The following TTLL6 variants were observed in gnomAD, a reference collection of about 807,000 sequenced individuals.
TTLL6 encodes the protein tubulin polyglutamylase TTLL6.
Under a neutral mutation model 96.4 loss-of-function variants are expected in TTLL6, and 75 were observed. The ratio of observed to expected loss-of-function variants is 0.78; its 90% CI spans 0.65 to 0.94. The LOEUF (loss-of-function observed/expected upper bound fraction) is 0.94. TTLL6 is among the 40% of genes least tolerant of loss of function. TTLL6 has a pLI of 0.00. For synonymous variants in TTLL6, 411 were observed against 419.4 expected (o/e 0.98, Z 0.24); for missense variants, 1,030 against 1,093.0 (o/e 0.94, Z 0.81).
chr17:48,766,090 T>C (rs1300761676), intron 15 of TTLL6, among the ~76,000 whole-genome samples: 2 of 152,206 alleles, frequency 1.3e-5, no homozygotes, highest in Non-Finnish European at 2.9e-5. Context: ...CAGCATCTGA[T>C]GTCAGAGGTA....
chr17:48,799,347 C>T (rs183035216), intron 6 of TTLL6, among the ~76,000 whole-genome samples: 33 of 152,356 alleles, frequency 2.2e-4, no homozygotes, highest in Admixed American at 1.2e-3. Flanking sequence ...GCTCTCCTAG[C>T]CCTAATGTGT....
rs1413726471 is a variant in TTLL6, at chr17:48,786,249, C to T, written c.1676G>A (p.Gly559Asp). Residue 559 changes from glycine to aspartate, a missense_variant, in exon 12 of 16, where the codon GGC becomes GAC. Gly to Asp is a moderately conservative substitution (Grantham distance 94). Coordinates refer to ENST00000393382, the MANE Select transcript of TTLL6 (RefSeq NM_001130918.3). Reference protein sequence around the residue: ...KKVEMQGESAGEQVRKKGMRG... With the variant: ...KKVEMQGESADEQVRKKGMRG... ...CATGCCCTTCTTTCTCACTTGCTCG[C>T]CTGCCGATTCCCCCTGCATCTCTAC... 4.3e-6 allele frequency: 7 copies of T among 1,614,252 alleles called. No individual in the cohort carries two copies. Among genetic ancestry groups the T allele is most frequent in the Admixed American group, 1.7e-5 (1 of 60,026 alleles).
At chr17:48,788,279 G>T (rs376973253) in intron 10 of TTLL6, among the ~76,000 whole-genome samples, 1 of 152,136 alleles carries the variant, frequency 6.6e-6, no homozygotes, top group Admixed American at 6.5e-5. Context: ...TTTTCTACTC[G>T]GCTTAGCTCT....
At chr17:48,774,082 CAAAAAAAACAAAACAAAA>C (rs1329184049) in intron 13 of TTLL6, among the ~76,000 whole-genome samples, 2 of 46,164 alleles carry the variant, frequency 4.3e-5, no homozygotes, top group Non-Finnish European at 7.8e-5. Flanking sequence ...AACTCCATCT[CAAAAAAAACAAAACAAAA>C]AAAAAAAAAA....
intron 13 of TTLL6, among the ~76,000 whole-genome samples, chr17:48,781,599 C>A (rs1332516044): frequency 6.6e-6 from 1 of 152,106 alleles, no homozygotes; most frequent in African/African-American, 2.4e-5. Flanking sequence ...TGTTTATCTT[C>A]TTTAGAAAAA....
chr17:48,770,501 A>ATTG (rs1179551293), intron 13 of TTLL6, among the ~76,000 whole-genome samples: 7 of 148,128 alleles, frequency 4.7e-5, no homozygotes, highest in African/African-American at 1.5e-4. Context: ...AGGTATTATT[A>ATTG]TTGTTGTTGT....
chr17:48,805,710 C>T (rs543090), intron 1 of TTLL6, among the ~76,000 whole-genome samples: 23,751 of 152,182 alleles, frequency 0.16, 2,797 homozygotes, highest in East Asian at 0.67. Context: ...CAGCGGCTCA[C>T]GCCTGTAATC....
At chr17:48,793,762 T>C (rs1363018508) in intron 8 of TTLL6, among the ~76,000 whole-genome samples, 1 of 152,092 alleles carries the variant, frequency 6.6e-6, no homozygotes, top group Non-Finnish European at 1.5e-5. Flanking sequence ...CACACCTCAG[T>C]TTCCTAATAT....
chr17:48,809,276 A>G (rs1320248962), intron 1 of TTLL6, among the ~76,000 whole-genome samples: 3 of 152,210 alleles, frequency 2.0e-5, no homozygotes, highest in Non-Finnish European at 2.9e-5. Flanking sequence ...CCCAGTGAAC[A>G]GGCACATTCT....
intron 13 of TTLL6, among the ~76,000 whole-genome samples, chr17:48,776,178 A>C (rs1166990700): frequency 6.6e-6 from 1 of 152,206 alleles, no homozygotes; most frequent in African/African-American, 2.4e-5. Flanking sequence ...TAAGAAATTT[A>C]AGTCTAGGCT....
At chr17:48,809,683 A>AC (rs2039551962) in intron 1 of TTLL6, among the ~76,000 whole-genome samples, 2 of 151,464 alleles carry the variant, frequency 1.3e-5, no homozygotes, top group African/African-American at 4.9e-5. Context: ...ACAAAGTGAG[A>AC]CCCCATCTCT....
intron 1 of TTLL6, among the ~76,000 whole-genome samples, chr17:48,810,825 GTATATATATATATATA>G (rs1555569643): frequency 2.4e-5 from 2 of 84,340 alleles, no homozygotes; most frequent in Middle Eastern, 6.2e-3. Flanking sequence ...GTATGTGTGT[GTATATATATATATATA>G]TATATATATA....
chr17:48,770,126 C>T (rs758130421), intron 13 of TTLL6, 29 bp from the exon 14 acceptor site: 1 of 1,556,460 alleles, frequency 6.4e-7, no homozygotes, highest in South Asian at 1.2e-5. Context: ...CAAAATGAGA[C>T]TGTGGAAAGC....
chr17:48,807,156 C>T (rs150769649), intron 1 of TTLL6, among the ~76,000 whole-genome samples: 1 of 151,860 alleles, frequency 6.6e-6, no homozygotes, highest in African/African-American at 2.4e-5. Flanking sequence ...GGCGCCATCT[C>T]GGCTCACTAC....
In TTLL6 at chr17:48,791,890, T is replaced by A. The variant is rs961136578; in HGVS notation, c.999-287A>T. Among the ~76,000 whole-genome samples, 52 of 152,228 alleles carry A rather than the reference T, an allele frequency of 3.4e-4. 1 individual carries two copies. Among genetic ancestry groups the A allele is most frequent in the South Asian group, 2.1e-4 (1 of 4,820 alleles). On this transcript the variant is annotated intron_variant, in intron 8 of 15. Coordinates refer to ENST00000393382, the MANE Select transcript of TTLL6 (RefSeq NM_001130918.3). ...TTCACTGTGACCCAGAAAACATCTA[T>A]CAGCAGGGGAAGGGATGAGTCAAGA...
chr17:48,798,179 T>C (rs746997480), intron 6 of TTLL6, among the ~76,000 whole-genome samples: 1 of 152,054 alleles, frequency 6.6e-6, no homozygotes. Context: ...CCCAGCACAT[T>C]GTGAGGCCGA....
chr17:48,814,808 T>TCCCCC, intron 1 of TTLL6, among the ~76,000 whole-genome samples: 1 of 152,256 alleles, frequency 6.6e-6, no homozygotes, highest in South Asian at 2.1e-4. Context: ...TCTTTCAAAC[T>TCCCCC]CCAGCCTGTT....
chr17:48,768,715 AT>A (rs2038667309), intron 15 of TTLL6, among the ~76,000 whole-genome samples: 1 of 151,350 alleles, frequency 6.6e-6, no homozygotes, highest in Non-Finnish European at 1.5e-5. Flanking sequence ...TAATTTTTAA[AT>A]TTTTTGTAGA....
intron 13 of TTLL6, among the ~76,000 whole-genome samples, chr17:48,774,498 T>C (rs2038833459): frequency 6.6e-6 from 1 of 151,410 alleles, no homozygotes; most frequent in Non-Finnish European, 1.5e-5. Flanking sequence ...GTCAATAAAA[T>C]TGATAACTCC....
Sources: gnomAD v4.1 joint callset for allele counts (sites outside exome capture counted in the v4.1 genomes callset) on GRCh38, gnomAD v4.1.1 for gene constraint, MANE v1.5 for transcripts, NCBI Gene and HGNC (gene_info 2026-07-23, HGNC 2026-07-21) for gene names.